Variants in SLC25A39 observed in about 807,000 individuals in gnomAD.
SLC25A39 encodes the protein mitochondrial glutathione transporter SLC25A39.
SLC25A39 carries 44 observed loss-of-function variants against 46.6 expected under a neutral mutation model. The ratio of observed to expected loss-of-function variants is 0.94; its 90% CI spans 0.74 to 1.21. The LOEUF is 1.21. Among genes scored for constraint, SLC25A39 ranks in the 50% most tolerant of loss-of-function variants. The pLI is 0.00. For synonymous variants in SLC25A39, 218 were observed against 190.6 expected, an observed-to-expected ratio of 1.14 and a Z score of -1.19; for missense variants, 487 against 473.0, an observed-to-expected ratio of 1.03 and a Z score of -0.28.
chr17:44,322,413 C>A lies in SLC25A39; in HGVS notation c.324+6G>T, dbSNP rs375158947. The A allele has an allele frequency of 1.9e-6, 3 of 1,613,972 alleles. No individual in the cohort carries two copies. Among genetic ancestry groups the A allele is most frequent in the Non-Finnish European group, 2.5e-6 (3 of 1,180,004 alleles). The stretch of plus-strand genomic sequence containing the variant: ...ACGAATCCCTACGGACCCAGCTGCT[C>A]CTCACCATGGTGCCAGTGAAGCGGG... On this transcript the variant is annotated splice_donor_region_variant and intron_variant, in intron 5 of 11. Transcript: ENST00000377095.
At chr17:44,323,435 C>CCG in intron 2 of SLC25A39, 43 bp downstream of exon 2, 3 of 981,344 alleles carry the variant, frequency 3.1e-6, no homozygotes, top group Non-Finnish European at 4.4e-6. Flanking sequence ...CTCCGGTCTG[C>CCG]CCCATCCCCA....
chr17:44,320,792 C>A (rs752897201), intron 8 of SLC25A39, 61 bp from the exon 9 acceptor site: 1 of 1,297,670 alleles, frequency 7.7e-7, no homozygotes, highest in Non-Finnish European at 1.1e-6. Context: ...CCCAGACCGT[C>A]CACCTTTCAC....
At chr17:44,324,340 T>C (rs8079946) in intron 1 of SLC25A39, 81,865 of 152,292 alleles carry the variant, frequency 0.54, 24,150 homozygotes, top group East Asian at 0.92. Flanking sequence ...CGGCCGGGCA[T>C]CGAGGGTGAC....
rs201618124 is a variant in SLC25A39 at position 44,320,383 on chromosome 17, G to A, written c.855C>T (p.Val285=). The A allele has an allele frequency of 4.5e-5, 73 of 1,613,490 alleles. No homozygotes were observed. The highest frequency in any genetic ancestry group is 5.5e-5 in the Non-Finnish European group (65 of 1,180,036). ...TCACAGCCTCCATCGCTCCCAGAGC[G>A]ACCTGGCGTTGGGTCTTTACCACGT... ...PFDVVKTQRQ[V]ALGAMEAVRV... is the part of the protein sequence containing the mutation. The change falls in exon 10 of 12, where the codon GTC becomes GTT. Residue 285 remains valine (V), a synonymous_variant. Transcript: ENST00000377095.
chr17:44,321,985 T>C (rs889789699), intron 5 of SLC25A39, among the ~76,000 whole-genome samples: 3 of 152,294 alleles, frequency 2.0e-5, no homozygotes, highest in African/African-American at 4.8e-5. Context: ...GTGGCTCACA[T>C]ATGTAATCCC....
At chr17:44,323,894 C>G (rs1023973569) in intron 1 of SLC25A39, 3 of 342,370 alleles carry the variant, frequency 8.8e-6, no homozygotes, top group Admixed American at 4.5e-5. Context: ...CCCGCCTCAG[C>G]CTCCCAAAGC....
rs200765433 is a variant in SLC25A39 at position 44,320,267 on chromosome 17, A to G, written c.893T>C (p.Leu298Pro). 1.5e-5 allele frequency: 25 copies of G among 1,613,610 alleles called. No individual in the cohort carries two copies. Among genetic ancestry groups the G allele is most frequent in the Non-Finnish European group, 1.4e-5 (17 of 1,180,016 alleles). The change falls in exon 11 of 12, where the codon CTG becomes CCG. Residue 298 changes from leucine to proline, a missense_variant. Leu to Pro is a moderately conservative substitution (Grantham distance 98). Coordinates refer to ENST00000377095, the MANE Select transcript of SLC25A39 (RefSeq NM_001143780.3). Reference sequence around the variant, plus strand: ...CAGCAGCCAGGTGGAGTCCACATGCAGGGGGTTCACTGCAAACGCGAGGCC... The same window carrying G: ...CAGCAGCCAGGTGGAGTCCACATGCGGGGGGTTCACTGCAAACGCGAGGCC... ...GAMEAVRVNP[L>P]HVDSTWLLLR...
rs957242881 is a variant in SLC25A39 at position 44,319,778 on chromosome 17, G to A, written c.*223C>T. On this transcript the variant is annotated 3_prime_UTR_variant, in exon 12 of 12. Transcript: ENST00000377095. ...CTGGAAGATTTGGTCTTGAACTTGG[G>A]GGGTGGGTAAGTGATGATCCCCACG... 8 of 553,894 alleles carry A rather than the reference G, an allele frequency of 1.4e-5. No homozygotes were observed. Among genetic ancestry groups the A allele is most frequent in the South Asian group, 1.0e-4 (5 of 49,076 alleles). 34.3% of individuals were successfully genotyped at this position (553,894 alleles called of 1,614,324 possible).
Position 44,321,513 on chromosome 17 carries a change from G to C in SLC25A39, c.438C>G (p.Asp146Glu). ...PATAIYFTAY[D>E]QLKAFLCGRA... ...GACCACACAGGAAGGCCTTCAGTTG[G>C]TCATAGGCAGTGAAGTAGATGGCGG... Residue 146 changes from aspartate (D) to glutamate (E), a missense_variant, in exon 7 of 12, where the codon GAC becomes GAG. By Grantham distance (45) the Asp-to-Glu change is conservative. Transcript: ENST00000377095. 1 of 1,614,138 alleles carries C rather than the reference G, an allele frequency of 6.2e-7. No homozygotes were observed. Among genetic ancestry groups the C allele is most frequent in the Non-Finnish European group, 8.5e-7 (1 of 1,180,004 alleles).
In SLC25A39 at chr17:44,320,679, C is replaced by A; in HGVS notation, c.744G>T (p.Arg248Ser). ...TGCCCACAGAAGTCTGGTCCTTCGGCCTGAACCCATTGAGCCAGCTCTTCA... is the reference window on the plus strand; with the variant it reads ...TGCCCACAGAAGTCTGGTCCTTCGGACTGAACCCATTGAGCCAGCTCTTCA... ...ELVKSWLNGF[R>S]PKDQTSVGMS... The change falls in exon 9 of 12, where the codon AGG becomes AGT. Residue 248 changes from arginine to serine, a missense_variant. Coordinates refer to ENST00000377095, the MANE Select transcript of SLC25A39 (RefSeq NM_001143780.3). 1.2e-6 allele frequency: 2 copies of A among 1,614,156 alleles called. No individual in the cohort carries two copies. Among genetic ancestry groups the A allele is most frequent in the Non-Finnish European group, 8.5e-7 (1 of 1,180,052 alleles).
At chr17:44,322,888 C>A in intron 3 of SLC25A39, 36 bp from the exon 4 acceptor site, 1 of 1,609,836 alleles carries the variant, frequency 6.2e-7, no homozygotes, top group South Asian at 1.1e-5. Context: ...TCAGGAGAGC[C>A]CCCACCCGCC....
rs371100287 is a variant in SLC25A39 at position 44,321,729 on chromosome 17, C to T, written c.363G>A (p.Arg121=). 2 of 1,612,554 alleles carry T rather than the reference C, an allele frequency of 1.2e-6. No individual in the cohort carries two copies. Among genetic ancestry groups the T allele is most frequent in the African/African-American group, 2.7e-5 (2 of 74,924 alleles). Residue 121 remains arginine, a synonymous_variant, in exon 6 of 12, where the codon AGG becomes AGA. Coordinates refer to ENST00000377095, the MANE Select transcript of SLC25A39 (RefSeq NM_001143780.3). ...FVKIVRHEGT[R]TLWSGLPATL... ...TGGCGGGGAGGCCGCTCCAGAGGGT[C>T]CTGGTGCCCTCGTGCCTCACGATCT...
chr17:44,323,292 A>G lies in SLC25A39; in HGVS notation c.137T>C (p.Met46Thr). The G allele has an allele frequency of 1.2e-6, 2 of 1,613,788 alleles. No homozygotes were observed. The highest frequency in any genetic ancestry group is 1.7e-6 in the Non-Finnish European group (2 of 1,179,950). ...CCAGGTCAGGTACTCACCGCTGGCCATGGAGGGCCGCTGAGACTGCAGGCG... is the reference window on the plus strand; with the variant it reads ...CCAGGTCAGGTACTCACCGCTGGCCGTGGAGGGCCGCTGAGACTGCAGGCG... ...KVRLQSQRPS[M>T]ASELMPSSRL... The change falls in exon 3 of 12, where the codon ATG becomes ACG. Residue 46 changes from methionine to threonine, a missense_variant. Physicochemically the swap from Met to Thr is moderately conservative, Grantham distance 81 (BLOSUM62 -1). Transcript: ENST00000377095.
chr17:44,319,900 A>G lies in SLC25A39; in HGVS notation c.*101T>C. 1.7e-6 allele frequency: 2 copies of G among 1,147,178 alleles called. No homozygotes were observed. The highest frequency in any genetic ancestry group is 2.0e-5 in the Admixed American group (1 of 50,462). 71.1% of individuals were successfully genotyped at this position (1,147,178 alleles called of 1,614,324 possible). A position where few individuals can be genotyped will look rare whatever the true frequency, so the allele number is the denominator to read the frequency against. ...CTTGTCGCCGGGAGGGAAGGGAAAC[A>G]AGCCCCCTCCCTCAGTGCTGAGGAA... On this transcript the variant is annotated 3_prime_UTR_variant, in exon 12 of 12. Transcript: ENST00000377095.
At position 44,320,406 on chromosome 17, in the gene SLC25A39, C is replaced by T. The variant is rs746042795; in HGVS notation, c.832G>A (p.Val278Met). 9 of 1,613,642 alleles carry T rather than the reference C, an allele frequency of 5.6e-6. No homozygotes were observed. The highest frequency in any genetic ancestry group is 1.1e-5 in the South Asian group (1 of 91,090). The change falls in exon 10 of 12, where the codon GTG (valine) becomes ATG (methionine). Residue 278 changes from valine (V) to methionine (M), a missense_variant. Transcript: ENST00000377095. ...GCGACCTGGCGTTGGGTCTTTACCA[C>T]GTCAAAGGGTAGAGTCAGCACTGCA... ...VAAVLTLPFD[V>M]VKTQRQVALG...
chr17:44,321,632 A>G, intron 6 of SLC25A39, 68 bp downstream of exon 6: 1 of 1,607,642 alleles, frequency 6.2e-7, no homozygotes, highest in Non-Finnish European at 8.5e-7. Context: ...TGCCCCACCT[A>G]GCCATTCAAC....
rs773634810 is a variant in SLC25A39, at chr17:44,322,892, A to C, written c.146-40T>G. The C allele has an allele frequency of 9.3e-5, 149 of 1,606,174 alleles. 1 individual carries two copies. The highest frequency in any genetic ancestry group is 1.7e-4 in the Admixed American group (10 of 59,780). ...AGCCCCTCAAGTCAGGAGAGCCCCC[A>C]CCCGCCCTAGGGACCCCATCTCTGG... On this transcript the variant is annotated intron_variant, in intron 3 of 11. Coordinates refer to ENST00000377095, the MANE Select transcript of SLC25A39 (RefSeq NM_001143780.3).
rs187986288 is a variant in SLC25A39 at position 44,321,504 on chromosome 17, C to T, written c.447G>A (p.Lys149=). The change falls in exon 7 of 12, where the codon AAG becomes AAA. Residue 149 remains lysine, a synonymous_variant. Transcript: ENST00000377095. ...AIYFTAYDQL[K]AFLCGRALTS... is the part of the protein sequence containing the mutation. ...TCAGGGCTCGACCACACAGGAAGGC[C>T]TTCAGTTGGTCATAGGCAGTGAAGT... 6.2e-7 allele frequency: 1 copy of T among 1,614,104 alleles called. No homozygotes were observed. The highest frequency in any genetic ancestry group is 2.2e-5 in the East Asian group (1 of 44,886).
At chr17:44,323,440 T>TCCCCCCCCCCCCCCCCCC in intron 2 of SLC25A39, 38 bp downstream of exon 2, 3 of 341,550 alleles carry the variant, frequency 8.8e-6, no homozygotes, top group South Asian at 3.3e-5. Context: ...GTCTGCCCCA[T>TCCCCCCCCCCCCCCCCCC]CCCCACCCGC....
Sources: allele counts gnomAD v4.1 joint callset (sites outside exome capture counted in the v4.1 genomes callset), GRCh38; gene constraint gnomAD v4.1.1; transcripts MANE v1.5; gene names NCBI Gene and HGNC (gene_info 2026-07-23, HGNC 2026-07-21).